The following COL11A1 variants were observed in gnomAD, a reference collection of about 807,000 sequenced individuals.
The protein encoded by COL11A1 is collagen alpha-1(XI) chain.
COL11A1 carries 74 observed loss-of-function variants against 265.2 expected under a neutral mutation model. The ratio of observed to expected loss-of-function variants is 0.28; its 90% CI spans 0.23 to 0.34. The LOEUF (loss-of-function observed/expected upper bound fraction) is 0.34. Among genes scored for constraint, COL11A1 ranks in the 10% least tolerant of loss-of-function variants. COL11A1 has a pLI of 1.00. For missense variants in COL11A1, 2,165 were observed against 2,263.6 expected, an observed-to-expected ratio of 0.96 and a Z score of 0.88; for synonymous variants, 816 against 727.6, an observed-to-expected ratio of 1.12 and a Z score of -1.96.
chr1:103,070,928 T>C (rs1029379850), intron 4 of COL11A1, among the ~76,000 whole-genome samples: 6 of 152,002 alleles, frequency 3.9e-5, no homozygotes, highest in African/African-American at 1.4e-4. Context: ...TTAATGGCTT[T>C]TGAGATGGCT....
chr1:103,014,684 T>A, intron 12 of COL11A1, 90 bp from the exon 13 acceptor site: 1 of 1,051,266 alleles, frequency 9.5e-7, no homozygotes, highest in Non-Finnish European at 1.5e-6. Context: ...AACCACTTAT[T>A]AAAATGGTGG....
Position 102,997,116 on chromosome 1 carries a change from A to G in COL11A1, c.2205T>C (p.Pro735=). Residue 735 remains proline (P), a synonymous_variant, in exon 26 of 67, where the codon CCT becomes CCC. Coordinates refer to ENST00000370096, the MANE Select transcript of COL11A1 (RefSeq NM_001854.4). ...LPGADGPPGH[P]GKEGQSGEKG... ...TTTCTCCAGACTGGCCTTCTTTCCC[A>G]GGATGACCCTATATTTAGCAAAAAC... The G allele has an allele frequency of 1.9e-6, 3 of 1,611,832 alleles. No homozygotes were observed. In the South Asian group the frequency reaches 3.3e-5, roughly 18 times the overall value.
intron 46 of COL11A1, among the ~76,000 whole-genome samples, chr1:102,931,044 C>T (rs1321586342): frequency 6.8e-6 from 1 of 146,972 alleles, no homozygotes; most frequent in Non-Finnish European, 1.5e-5. Context: ...AAAAAACCAG[C>T]TCCTGGATTC....
chr1:102,996,055 A>T lies in COL11A1; in HGVS notation c.2242-13T>A. ...GACCAGGGGGACCCTGAAATAGATG[A>T]ATTACCACTTATACGTGTAATAAAT... On this transcript the variant is annotated splice_polypyrimidine_tract_variant and intron_variant, in intron 26 of 66. Transcript: ENST00000370096. 6.2e-7 allele frequency: 1 copy of T among 1,612,490 alleles called. No homozygotes were observed. The highest frequency in any genetic ancestry group is 8.5e-7 in the Non-Finnish European group (1 of 1,178,822).
chr1:102,997,072 GA>G lies in COL11A1; in HGVS notation c.2241+7del, dbSNP rs757265952. 1.2e-6 allele frequency: 2 copies of G among 1,611,192 alleles called. No individual in the cohort carries two copies. The highest frequency in any genetic ancestry group is 3.3e-5 in the Admixed American group (2 of 59,884). ...ATAGGACATTTAAATGGATACTTTGGAACCTACCAGAGCCCCCTTTTCTCCA... is the reference window on the plus strand; with the variant it reads ...ATAGGACATTTAAATGGATACTTTGGACCTACCAGAGCCCCCTTTTCTCCA... On this transcript the variant is annotated splice_region_variant and intron_variant, in intron 26 of 66. Coordinates refer to ENST00000370096, the MANE Select transcript of COL11A1 (RefSeq NM_001854.4).
chr1:103,001,503 C>G (rs1465977352), intron 24 of COL11A1: 2 of 430,160 alleles, frequency 4.6e-6, no homozygotes, highest in Admixed American at 3.9e-5. Flanking sequence ...ACATCATTTG[C>G]TATTCATATA....
intron 21 of COL11A1, 33 bp from the exon 22 acceptor site, chr1:103,002,824 A>G (rs755533175): frequency 6.3e-7 from 1 of 1,593,538 alleles, no homozygotes. Context: ...ATGGTTGTTT[A>G]TATGTTTTGA....
At chr1:103,001,047 A>T (rs1665052974) in intron 24 of COL11A1, 4 of 395,760 alleles carry the variant, frequency 1.0e-5, no homozygotes, top group Non-Finnish European at 1.8e-5. Context: ...CATAAGTTTC[A>T]TTCACATGAA....
intron 41 of COL11A1, among the ~76,000 whole-genome samples, chr1:102,948,042 C>T (rs2622861): frequency 0.94 from 142,702 of 151,912 alleles, 67,282 homozygotes; most frequent in East Asian, 1. Flanking sequence ...GGAAAATATA[C>T]TACTTTATGT....
rs562482984 is a variant in COL11A1, at chr1:103,051,650, G to A, written c.652-20406C>T. Among the ~76,000 whole-genome samples the A allele has an allele frequency of 3.0e-4, 46 of 152,274 alleles. No individual in the cohort carries two copies. The East Asian group carries it at 3.3e-3, about 11-fold the overall frequency. On this transcript the variant is annotated intron_variant, in intron 4 of 66. Transcript: ENST00000370096. ...TGGCACACCCCAGTGAGATGAACCC[G>A]GTACCTCAGTTGGAAATGCAGAAAT...
Position 102,900,453 on chromosome 1 carries a change from A to G in COL11A1, c.4087-1459T>C, listed in dbSNP as rs149767712. On this transcript the variant is annotated intron_variant, in intron 54 of 66. Coordinates refer to ENST00000370096, the MANE Select transcript of COL11A1 (RefSeq NM_001854.4). ...AGATACAACAATAATAATGATTATT[A>G]TTTGGGAAATAGAAATAATGACATT... Among the ~76,000 whole-genome samples, 264 of 152,240 alleles carry G rather than the reference A, an allele frequency of 1.7e-3. 2 individuals are homozygous for G. The East Asian group carries it at 0.045, about 26-fold the overall frequency.
At chr1:102,893,051 A>G (rs1651967004) in intron 57 of COL11A1, among the ~76,000 whole-genome samples, 1 of 152,172 alleles carries the variant, frequency 6.6e-6, no homozygotes, top group South Asian at 2.1e-4. Flanking sequence ...TTATCTCCCC[A>G]TTACTGGGGC....
At chr1:103,006,882 A>G (rs1406262916) in intron 15 of COL11A1, among the ~76,000 whole-genome samples, 2 of 152,156 alleles carry the variant, frequency 1.3e-5, no homozygotes, top group African/African-American at 4.8e-5. Flanking sequence ...AATAAAAGAA[A>G]TAATTACACA....
rs780040764 is a variant in COL11A1, at chr1:102,970,268, G to A, written c.2813C>T (p.Pro938Leu). 3.7e-6 allele frequency: 6 copies of A among 1,610,466 alleles called. No homozygotes were observed. Among genetic ancestry groups the A allele is most frequent in the Non-Finnish European group, 5.1e-6 (6 of 1,177,644 alleles). The stretch of plus-strand genomic sequence containing the variant: ...TCCTGGCAGCCCATCCTTCCCAGGT[G>A]GTCCCTGAAATTACAAATATTAAAT... ...GFPGPKGPPGPPGKDGLPGHP... is the reference protein window; with the variant it reads ...GFPGPKGPPGLPGKDGLPGHP... The change falls in exon 37 of 67, where the codon CCA becomes CTA. Residue 938 changes from proline to leucine, a missense_variant. By Grantham distance (98) the Pro-to-Leu change is moderately conservative (BLOSUM62 -3). Transcript: ENST00000370096.
At chr1:102,962,487 T>A (rs912222532) in intron 39 of COL11A1, among the ~76,000 whole-genome samples, 166 bp downstream of exon 39, 6 of 152,226 alleles carry the variant, frequency 3.9e-5, no homozygotes, top group Non-Finnish European at 8.8e-5. Context: ...CTAACGGTCT[T>A]ATATAAATGT....
chr1:103,050,005 C>T (rs1427426859), intron 4 of COL11A1, among the ~76,000 whole-genome samples: 5 of 152,220 alleles, frequency 3.3e-5, no homozygotes, highest in Admixed American at 6.5e-5. Flanking sequence ...GTGGGTAACC[C>T]GACCTTTCTC....
At chr1:102,912,321 T>C (rs1026301143) in intron 53 of COL11A1, 109 bp from the exon 54 acceptor site, 5 of 810,076 alleles carry the variant, frequency 6.2e-6, no homozygotes, top group Non-Finnish European at 7.9e-6. Context: ...TTTCCACATG[T>C]CAATATTTCC....
chr1:102,918,173 A>G (rs1655569877), intron 49 of COL11A1, among the ~76,000 whole-genome samples: 1 of 151,700 alleles, frequency 6.6e-6, no homozygotes, highest in African/African-American at 2.4e-5. Flanking sequence ...GAGATGTTAG[A>G]TTATGAAGTC....
In COL11A1 at chr1:102,877,890, C is replaced by G. The variant is rs1389095820; in HGVS notation, c.*129G>C. 1.3e-5 allele frequency: 12 copies of G among 895,770 alleles called. No individual in the cohort carries two copies. Among genetic ancestry groups the G allele is most frequent in the Admixed American group, 1.9e-5 (1 of 52,082 alleles). 55.5% of individuals were successfully genotyped at this position (895,770 alleles called of 1,614,324 possible). A position where few individuals can be genotyped will look rare whatever the true frequency, so the allele number is the denominator to read the frequency against. ...GCCCCCACAAAGGCATCGGTATTTC[C>G]TAAATGGTACCTGTATATGCAGCGT... On this transcript the variant is annotated 3_prime_UTR_variant, in exon 67 of 67. Transcript: ENST00000370096.
Sources: gnomAD v4.1 joint callset for allele counts (sites outside exome capture counted in the v4.1 genomes callset) on GRCh38, gnomAD v4.1.1 for gene constraint, MANE v1.5 for transcripts, NCBI Gene and HGNC (gene_info 2026-07-23, HGNC 2026-07-21) for gene names.